Variants in BPIFA2 observed in about 807,000 individuals in gnomAD.
BPIFA2 encodes BPI fold-containing family A member 2.
In BPIFA2, 20 loss-of-function variants were observed where a neutral mutation model predicts 25.7. The observed-to-expected ratio is 0.78, with a 90% CI of 0.55 to 1.13. The LOEUF is 1.13. BPIFA2 is among the 50% of genes most tolerant of loss of function. BPIFA2 has a pLI of 0.00. For synonymous variants in BPIFA2, 126 were observed against 124.3 expected (o/e 1.01, Z -0.09); for missense variants, 300 against 298.1 (o/e 1.01, Z -0.05).
At chr20:33,170,599 G>T (rs1387408309) in intron 2 of BPIFA2, among the ~76,000 whole-genome samples, 1 of 152,000 alleles carries the variant, frequency 6.6e-6, no homozygotes, top group Non-Finnish European at 1.5e-5. Context: ...TCACCATTTT[G>T]CCCAGGCTGG....
In BPIFA2 at chr20:33,173,535, C is replaced by T. The variant is rs1294533095; in HGVS notation, c.302+459C>T. On this transcript the variant is annotated intron_variant, in intron 3 of 8. Transcript: ENST00000354932. ...ATTATTATTTTTTGAGATGGAGTTT[C>T]ACTCTTGTTACCCAGGCTGGAGTGC... Among the ~76,000 whole-genome samples the T allele has an allele frequency of 2.0e-5, 3 of 152,224 alleles. No homozygotes were observed. The South Asian group carries it at 6.2e-4, about 32-fold the overall frequency.
chr20:33,168,164 A>G lies in BPIFA2; in HGVS notation c.-61A>G, dbSNP rs559385621. 6.6e-6 allele frequency: 1 copy of G among 152,210 alleles called. No individual in the cohort carries two copies. Among genetic ancestry groups the G allele is most frequent in the Non-Finnish European group, 1.5e-5 (1 of 68,076 alleles). 9.4% of individuals were successfully genotyped at this position (152,210 alleles called of 1,614,324 possible). On this transcript the variant is annotated 5_prime_UTR_variant, in exon 1 of 9. Coordinates refer to ENST00000354932, the MANE Select transcript of BPIFA2 (RefSeq NM_080574.4). ...CCACCATTCAGCAGAATCCCAGCAG[A>G]CTGTGCAGTGGGGCAAGGATTTCAT...
upstream of BPIFA2, among the ~76,000 whole-genome samples, chr20:33,166,994 A>G (rs1372633994): frequency 1.3e-5 from 2 of 152,180 alleles, no homozygotes; most frequent in African/African-American, 2.4e-5. Context: ...ATTCAAGACC[A>G]CAGGCAAGAC....
Position 33,172,498 on chromosome 20 carries a change from T to A in BPIFA2, c.158-434T>A, listed in dbSNP as rs75276397. Among the ~76,000 whole-genome samples, 1,208 of 152,276 alleles carry A rather than the reference T, an allele frequency of 7.9e-3. 13 individuals carry two copies. Among genetic ancestry groups the A allele is most frequent in the Non-Finnish European group, 0.011 (752 of 68,016 alleles). On this transcript the variant is annotated intron_variant, in intron 2 of 8. Coordinates refer to ENST00000354932, the MANE Select transcript of BPIFA2 (RefSeq NM_080574.4). ...AGTTTCATGGATTGGAGCCATTTTT[T>A]CTCCTGGATTCTAGATTTTTCATTT...
At chr20:33,167,816 G>T (rs1211683831), upstream of BPIFA2, among the ~76,000 whole-genome samples, 1 of 152,170 alleles carries the variant, frequency 6.6e-6, no homozygotes, top group Non-Finnish European at 1.5e-5. Context: ...AGTTAGACCG[G>T]ATGGTCATTA....
chr20:33,164,298 G>A (rs1983659020), upstream of BPIFA2, among the ~76,000 whole-genome samples: 1 of 152,224 alleles, frequency 6.6e-6, no homozygotes, highest in Admixed American at 6.5e-5. Context: ...GAGAGATTGA[G>A]GGGCCAAATT....
upstream of BPIFA2, among the ~76,000 whole-genome samples, chr20:33,164,574 T>G (rs1983670444): frequency 6.6e-6 from 1 of 152,114 alleles, no homozygotes; most frequent in Middle Eastern, 3.4e-3. Flanking sequence ...TCTTTCTTTC[T>G]TTCTTTCTTC....
upstream of BPIFA2, among the ~76,000 whole-genome samples, chr20:33,165,355 T>C (rs986394344): frequency 1.3e-5 from 2 of 152,192 alleles, no homozygotes; most frequent in African/African-American, 4.8e-5. Context: ...ACTAGCAAAA[T>C]AAGGCAATTA....
chr20:33,174,091 CA>C lies in BPIFA2; in HGVS notation c.317del (p.Asn106ThrfsTer20). The stretch of plus-strand genomic sequence containing the variant: ...GGGTTTCACACAGGTTGAAAATCAG[CA>C]ACTCCCTCATCCTGGATGTCAAAGC... ...NTDIFGLKIS[N>X]SLILDVKAEP... On this transcript the variant is annotated frameshift_variant, in exon 4 of 9. Coordinates refer to ENST00000354932, the MANE Select transcript of BPIFA2 (RefSeq NM_080574.4). LOFTEE classifies it high-confidence loss of function. 2 of 1,614,024 alleles carry C rather than the reference CA, an allele frequency of 1.2e-6. No homozygotes were observed. The highest frequency in any genetic ancestry group is 1.1e-5 in the South Asian group (1 of 91,084).
upstream of BPIFA2, among the ~76,000 whole-genome samples, chr20:33,167,402 C>T (rs1034558050): frequency 1.3e-5 from 2 of 152,216 alleles, no homozygotes; most frequent in Non-Finnish European, 2.9e-5. Context: ...CTCTCCCTCT[C>T]TGCTAACTGA....
At chr20:33,168,691 T>C (rs548374358) in intron 1 of BPIFA2, among the ~76,000 whole-genome samples, 4 of 152,166 alleles carry the variant, frequency 2.6e-5, no homozygotes, top group Middle Eastern at 3.4e-3. Flanking sequence ...GGAAAGGTGG[T>C]CAAATCATCA....
intron 7 of BPIFA2, among the ~76,000 whole-genome samples, chr20:33,180,182 C>T (rs1984226784): frequency 1.3e-5 from 2 of 151,896 alleles, no homozygotes; most frequent in South Asian, 4.2e-4. Context: ...CATGCCACTG[C>T]ACTCCGGCCT....
At chr20:33,180,740 C>T in intron 8 of BPIFA2, 143 bp downstream of exon 8, 1 of 652,036 alleles carries the variant, frequency 1.5e-6, no homozygotes, top group Non-Finnish European at 2.6e-6. Flanking sequence ...CCAGGCTAGG[C>T]CCTGATTCTG....
chr20:33,178,617 A>G (rs180790796), intron 6 of BPIFA2, among the ~76,000 whole-genome samples: 1 of 152,332 alleles, frequency 6.6e-6, no homozygotes, highest in Admixed American at 6.5e-5. Flanking sequence ...GACTTATAAA[A>G]TAGTTTTAAT....
chr20:33,170,398 T>C (rs1983859584), intron 2 of BPIFA2, among the ~76,000 whole-genome samples: 1 of 152,210 alleles, frequency 6.6e-6, no homozygotes, highest in Admixed American at 6.5e-5. Context: ...ATGAGCATCA[T>C]CCTGTATCTA....
At chr20:33,178,971 C>A (rs1018188292) in intron 6 of BPIFA2, among the ~76,000 whole-genome samples, 1 of 152,144 alleles carries the variant, frequency 6.6e-6, no homozygotes, top group Non-Finnish European at 1.5e-5. Context: ...CTCAGGGCAC[C>A]ATTTGACCCT....
chr20:33,173,108 C>G, intron 3 of BPIFA2, 32 bp downstream of exon 3: 1 of 1,603,604 alleles, frequency 6.2e-7, no homozygotes, highest in Non-Finnish European at 8.5e-7. Context: ...GAGATCTTTG[C>G]TCTAAGGAAA....
At chr20:33,174,329 T>C (rs1432981346) in intron 4 of BPIFA2, 143 bp downstream of exon 4, 1 of 697,512 alleles carries the variant, frequency 1.4e-6, no homozygotes, top group Non-Finnish European at 2.5e-6. Context: ...AGAACCCTTC[T>C]GGGTCTAAGA....
chr20:33,170,500 C>T (rs1405610834), intron 2 of BPIFA2, among the ~76,000 whole-genome samples: 10 of 152,090 alleles, frequency 6.6e-5, no homozygotes, highest in Admixed American at 5.9e-4. Context: ...CTCAACTGAT[C>T]CTCTCACCTC....
Sources: gnomAD v4.1 joint callset for allele counts (sites outside exome capture counted in the v4.1 genomes callset) on GRCh38, gnomAD v4.1.1 for gene constraint, MANE v1.5 for transcripts, NCBI Gene and HGNC (gene_info 2026-07-23, HGNC 2026-07-21) for gene names.